Variants in CCN4 observed in about 807,000 individuals in gnomAD.
The protein encoded by CCN4 is cellular communication network factor 4, also known as CCN family member 4.
Under a neutral mutation model 36.7 loss-of-function variants are expected in CCN4, and 30 were observed. That is an observed-to-expected ratio of 0.82 (90% CI 0.61 to 1.11). The LOEUF (loss-of-function observed/expected upper bound fraction) is 1.11. Among genes scored for constraint, CCN4 ranks in the 50% least tolerant of loss-of-function variants. The probability of loss-of-function intolerance (pLI) is 0.00; values close to 1 mark genes in which losing one functional copy is unlikely to be tolerated. For missense variants in CCN4, 505 were observed against 504.9 expected, an observed-to-expected ratio of 1.00 and a Z score of 0.00; for synonymous variants, 191 against 195.4, an observed-to-expected ratio of 0.98 and a Z score of 0.19.
Position 133,191,118 on chromosome 8 carries a change from C to T in CCN4, c.-27C>T, listed in dbSNP as rs776291102. ...GGTCGGATCCTCTGGGCTGCTCGGT[C>T]GATGCCTGTGCCACTGACGTCCAGG... On this transcript the variant is annotated 5_prime_UTR_variant, in exon 1 of 5. The change creates a premature stop within an existing upstream ORF in the 5' untranslated region. Coordinates refer to ENST00000250160, the MANE Select transcript of CCN4 (RefSeq NM_003882.4). 86 of 1,604,094 alleles carry T rather than the reference C, an allele frequency of 5.4e-5. No individual in the cohort carries two copies. Among genetic ancestry groups the T allele is most frequent in the Admixed American group, 6.7e-5 (4 of 59,960 alleles).
At chr8:133,194,431 T>A (rs1163725509) in intron 1 of CCN4, among the ~76,000 whole-genome samples, 3 of 60,604 alleles carry the variant, frequency 5.0e-5, no homozygotes, top group African/African-American at 1.0e-4. Context: ...GTGTGTGTGG[T>A]ATGTGTGTGT....
chr8:133,194,591 G>A (rs1853270877), intron 1 of CCN4, among the ~76,000 whole-genome samples: 1 of 127,366 alleles, frequency 7.9e-6, no homozygotes, highest in Non-Finnish European at 1.7e-5. Context: ...TGTGGGGTGT[G>A]TGGGGTGTGT....
rs764889338 is a variant in CCN4, at chr8:133,213,113, C to G, written c.319C>G (p.Arg107Gly). The change falls in exon 2 of 5, where the codon CGC (arginine) becomes GGC (glycine). Residue 107 changes from arginine to glycine, a missense_variant. Physicochemically the swap from Arg to Gly is moderately radical, Grantham distance 125. Coordinates refer to ENST00000250160, the MANE Select transcript of CCN4 (RefSeq NM_003882.4). ...RGLYCDYSGD[R>G]PRYAIGVCAQ... is the part of the protein sequence containing the mutation. ...CCTCTACTGTGACTACAGCGGGGAC[C>G]GCCCGAGGTACGCAATAGGAGTGTG... The G allele has an allele frequency of 1.9e-6, 3 of 1,612,798 alleles. No individual in the cohort carries two copies. The Admixed American group carries it at 5.0e-5, about 27-fold the overall frequency.
chr8:133,214,129 C>CTGT (rs1238600917), intron 2 of CCN4, among the ~76,000 whole-genome samples: 1 of 114,216 alleles, frequency 8.8e-6, no homozygotes, highest in Non-Finnish European at 1.9e-5. Context: ...TATATAACTA[C>CTGT]TATATAACAG....
intron 1 of CCN4, among the ~76,000 whole-genome samples, chr8:133,203,437 C>A (rs1338841537): frequency 1.3e-5 from 2 of 152,148 alleles, no homozygotes; most frequent in African/African-American, 4.8e-5. Flanking sequence ...AAGGGTTCTG[C>A]AGGGACACTC....
At chr8:133,193,602 A>G (rs576599741) in intron 1 of CCN4, among the ~76,000 whole-genome samples, 2 of 152,384 alleles carry the variant, frequency 1.3e-5, no homozygotes, top group African/African-American at 2.4e-5. Flanking sequence ...CAACACATGT[A>G]TAAGACCAAC....
intron 1 of CCN4, among the ~76,000 whole-genome samples, chr8:133,202,489 G>A (rs1398716656): frequency 6.6e-6 from 1 of 152,170 alleles, no homozygotes; most frequent in Non-Finnish European, 1.5e-5. Flanking sequence ...ACATGGACTA[G>A]GGCTCGTTAT....
intron 1 of CCN4, among the ~76,000 whole-genome samples, chr8:133,197,010 C>T (rs1215594500): frequency 1.3e-5 from 2 of 152,052 alleles, no homozygotes; most frequent in Non-Finnish European, 2.9e-5. Flanking sequence ...ATAGCCTGGC[C>T]AGCTTACCTG....
At chr8:133,209,858 C>G (rs1234126089) in intron 1 of CCN4, among the ~76,000 whole-genome samples, 1 of 152,214 alleles carries the variant, frequency 6.6e-6, no homozygotes, top group Non-Finnish European at 1.5e-5. Context: ...TTCACCCTTC[C>G]AACTGCCCCC....
chr8:133,220,877 C>T, intron 3 of CCN4, 36 bp downstream of exon 3: 3 of 1,571,048 alleles, frequency 1.9e-6, no homozygotes, highest in Non-Finnish European at 2.6e-6. Flanking sequence ...GGGTGGGACC[C>T]TACAAATGGG....
intron 4 of CCN4, among the ~76,000 whole-genome samples, chr8:133,226,279 C>A (rs1244710527): frequency 6.6e-6 from 1 of 152,168 alleles, no homozygotes; most frequent in Non-Finnish European, 1.5e-5. Context: ...ACAGTTATTC[C>A]ATTTTTGGAA....
rs751447945 is a variant in CCN4 at position 133,225,607 on chromosome 8, G to A, written c.804+24G>A. 13 of 1,530,352 alleles carry A rather than the reference G, an allele frequency of 8.5e-6. No homozygotes were observed. The African/African-American group carries it at 1.5e-4, about 18-fold the overall frequency. 94.8% of individuals were successfully genotyped at this position (1,530,352 alleles called of 1,614,324 possible). A position where few individuals can be genotyped will look rare whatever the true frequency, so the allele number is the denominator to read the frequency against. Reference sequence around the variant, plus strand: ...AGGTGGGTCCAGAGCAGGTGTGGATGTCTAGACTTCACAAGCAGACAAATA... The same window carrying A: ...AGGTGGGTCCAGAGCAGGTGTGGATATCTAGACTTCACAAGCAGACAAATA... On this transcript the variant is annotated intron_variant, in intron 4 of 4. Coordinates refer to ENST00000250160, the MANE Select transcript of CCN4 (RefSeq NM_003882.4).
At chr8:133,218,988 C>T (rs970848109) in intron 2 of CCN4, among the ~76,000 whole-genome samples, 5 of 152,010 alleles carry the variant, frequency 3.3e-5, no homozygotes, top group African/African-American at 1.2e-4. Context: ...GGCAGCTCTC[C>T]TTCCAAATCT....
intron 2 of CCN4, among the ~76,000 whole-genome samples, chr8:133,214,037 C>T (rs1240557050): frequency 9.8e-3 from 2 of 204 alleles, no homozygotes; most frequent in South Asian, 0.12. Context: ...ACTATATATA[C>T]ACTATATATA....
intron 1 of CCN4, among the ~76,000 whole-genome samples, chr8:133,194,316 T>TATGTGTGTGCCTGTGTG (rs1853231145): frequency 1.0e-5 from 1 of 99,582 alleles, no homozygotes; most frequent in Non-Finnish European, 2.0e-5. Context: ...GGTGTGTGTG[T>TATGTGTGTGCCTGTGTG]GTATGTGTGT....
At chr8:133,226,934 C>A (rs16904855) in intron 4 of CCN4, among the ~76,000 whole-genome samples, 3,423 of 152,290 alleles carry the variant, frequency 0.022, 125 homozygotes, top group African/African-American at 0.078. Flanking sequence ...TAATGTCAAC[C>A]ATTTGAATAC....
intron 1 of CCN4, among the ~76,000 whole-genome samples, chr8:133,210,380 AAG>A (rs1402911114): frequency 2.1e-5 from 3 of 141,214 alleles, no homozygotes; most frequent in Non-Finnish European, 4.5e-5. Context: ...CAAAGTCAAA[AAG>A]AGGGGTGTGT....
chr8:133,205,089 G>T (rs1853720943), intron 1 of CCN4, among the ~76,000 whole-genome samples: 1 of 152,206 alleles, frequency 6.6e-6, no homozygotes, highest in East Asian at 1.9e-4. Flanking sequence ...GAGGGGTATG[G>T]CAGGAGGAGT....
intron 1 of CCN4, among the ~76,000 whole-genome samples, chr8:133,204,188 C>T (rs2130550641): frequency 6.6e-6 from 1 of 152,304 alleles, no homozygotes; most frequent in Admixed American, 6.5e-5. Flanking sequence ...TTTTGGTTGT[C>T]TCCCATTTTT....
Sources: allele counts gnomAD v4.1 joint callset (sites outside exome capture counted in the v4.1 genomes callset), GRCh38; gene constraint gnomAD v4.1.1; transcripts MANE v1.5; gene names NCBI Gene and HGNC (gene_info 2026-07-23, HGNC 2026-07-21).